Variants in ELAPOR2 observed in about 807,000 individuals in gnomAD.
ELAPOR2 encodes endosome-lysosome associated apoptosis and autophagy regulator family member 2.
In ELAPOR2, 89 loss-of-function variants were observed where a neutral mutation model predicts 120.7. The ratio of observed to expected loss-of-function variants is 0.74; its 90% CI spans 0.62 to 0.88. The LOEUF (loss-of-function observed/expected upper bound fraction) is 0.88. ELAPOR2 is among the 40% of genes least tolerant of loss of function. The probability of loss-of-function intolerance (pLI) is 0.00; values close to 1 mark genes in which losing one functional copy is unlikely to be tolerated. For synonymous variants in ELAPOR2, 444 were observed against 444.9 expected, an observed-to-expected ratio of 1.00 and a Z score of 0.03; for missense variants, 1,134 against 1,251.6, an observed-to-expected ratio of 0.91 and a Z score of 1.42.
intron 1 of ELAPOR2, among the ~76,000 whole-genome samples, chr7:87,023,369 A>G (rs1442109471): frequency 4.0e-5 from 6 of 151,452 alleles, no homozygotes; most frequent in African/African-American, 7.3e-5. Flanking sequence ...AAGATCAGAT[A>G]GTTGCAGATA....
chr7:87,053,557 T>G, intron 1 of ELAPOR2, among the ~76,000 whole-genome samples: 1 of 152,152 alleles, frequency 6.6e-6, no homozygotes, highest in East Asian at 1.9e-4. Context: ...GGATTCTTCT[T>G]CTTACCCCTT....
intron 2 of ELAPOR2, among the ~76,000 whole-genome samples, chr7:86,954,063 T>A (rs1791374128): frequency 6.6e-6 from 1 of 152,196 alleles, no homozygotes; most frequent in African/African-American, 2.4e-5. Context: ...AGCATTTATA[T>A]TAGTCCGTCC....
At chr7:86,922,445 A>G (rs1285141387) in intron 10 of ELAPOR2, among the ~76,000 whole-genome samples, 1 of 151,870 alleles carries the variant, frequency 6.6e-6, no homozygotes, top group Non-Finnish European at 1.5e-5. Context: ...GTTGAAACCT[A>G]AAATTACTTA....
At chr7:86,994,333 C>G (rs1446265121) in intron 1 of ELAPOR2, among the ~76,000 whole-genome samples, 1 of 152,108 alleles carries the variant, frequency 6.6e-6, no homozygotes, top group Non-Finnish European at 1.5e-5. Flanking sequence ...GGAGGTATAA[C>G]AATGAGTAAA....
At chr7:87,040,379 G>C (rs1167186077) in intron 1 of ELAPOR2, among the ~76,000 whole-genome samples, 2 of 152,224 alleles carry the variant, frequency 1.3e-5, no homozygotes, top group Non-Finnish European at 2.9e-5. Context: ...CTGTCTGACA[G>C]CTTTGAAGAG....
chr7:86,912,106 A>G lies in ELAPOR2; in HGVS notation c.2135T>C (p.Phe712Ser). 1 of 1,611,054 alleles carries G rather than the reference A, an allele frequency of 6.2e-7. No individual in the cohort carries two copies. The highest frequency in any genetic ancestry group is 8.5e-7 in the Non-Finnish European group (1 of 1,177,488). ...ACATAAACTGATATTGAAGAAATGG[A>G]AGTATTTTGTTCCTTTGGAGGTGAA... The part of the protein sequence containing the change: ...PSFTSKGTKY[F>S]HFFNISLCGH... Residue 712 changes from phenylalanine (F) to serine (S), a missense_variant, in exon 15 of 22, where the codon TTC (phenylalanine) becomes TCC (serine). Physicochemically the swap from Phe to Ser is radical, Grantham distance 155. Around this residue, in one of 3 missense-constraint regions of ELAPOR2, gnomAD observed 831 missense variants for 867.6 expected, o/e 0.96. Transcript: ENST00000450689.
chr7:87,022,073 AT>A (rs1794060429), intron 1 of ELAPOR2, among the ~76,000 whole-genome samples: 1 of 151,948 alleles, frequency 6.6e-6, no homozygotes, highest in Non-Finnish European at 1.5e-5. Flanking sequence ...ACTAAAATTT[AT>A]TTATTTATTT....
rs1791071164 is a variant in ELAPOR2, at chr7:86,947,840, G to A, written c.393C>T (p.Gly131=). 1.9e-6 allele frequency: 3 copies of A among 1,552,020 alleles called. No homozygotes were observed. The highest frequency in any genetic ancestry group is 2.6e-6 in the Non-Finnish European group (3 of 1,147,014). ...CCCATTCATCAAATTTGATGCCACTGCCCAAGGAATAGGTGCCTTCACCAC... is the reference window on the plus strand; with the variant it reads ...CCCATTCATCAAATTTGATGCCACTACCCAAGGAATAGGTGCCTTCACCAC... ...SKCGEGTYSL[G]SGIKFDEWDE... is the part of the protein sequence containing the mutation. Residue 131 remains glycine, a synonymous_variant, in exon 3 of 22, where the codon GGC becomes GGT. Coordinates refer to ENST00000450689, the MANE Select transcript of ELAPOR2 (RefSeq NM_001142749.3).
At chr7:87,012,186 C>T (rs1038934546) in intron 1 of ELAPOR2, among the ~76,000 whole-genome samples, 34 of 152,212 alleles carry the variant, frequency 2.2e-4, no homozygotes, top group South Asian at 1.0e-3. Context: ...CCAAGGTGGG[C>T]AGATCACAAG....
chr7:86,976,880 A>C (rs1486160741), intron 1 of ELAPOR2, among the ~76,000 whole-genome samples: 1 of 152,232 alleles, frequency 6.6e-6, no homozygotes, highest in Non-Finnish European at 1.5e-5. Context: ...TCTCTAAAAA[A>C]TGTAAAGCAT....
At chr7:86,901,462 T>C (rs1450390287) in intron 18 of ELAPOR2, among the ~76,000 whole-genome samples, 2 of 152,234 alleles carry the variant, frequency 1.3e-5, no homozygotes, top group Admixed American at 1.3e-4. Flanking sequence ...TATGAATTCA[T>C]GGAGAAGAAT....
intron 2 of ELAPOR2, among the ~76,000 whole-genome samples, chr7:86,949,482 A>C (rs1791144983): frequency 6.6e-6 from 1 of 152,168 alleles, no homozygotes; most frequent in Non-Finnish European, 1.5e-5. Flanking sequence ...CCGTCCTCCC[A>C]GGCAGACTCA....
At chr7:86,973,308 T>C (rs1455585783) in intron 1 of ELAPOR2, among the ~76,000 whole-genome samples, 1 of 152,170 alleles carries the variant, frequency 6.6e-6, no homozygotes, top group African/African-American at 2.4e-5. Context: ...TATTCATATA[T>C]GAAATATTGA....
chr7:87,034,943 A>G (rs1445082660), intron 1 of ELAPOR2, among the ~76,000 whole-genome samples: 3 of 152,034 alleles, frequency 2.0e-5, no homozygotes, highest in Non-Finnish European at 4.4e-5. Flanking sequence ...TTAGCCGGAC[A>G]TGGTGGCGTG....
chr7:86,948,147 C>T (rs932414471), intron 2 of ELAPOR2, among the ~76,000 whole-genome samples: 1 of 152,188 alleles, frequency 6.6e-6, no homozygotes, highest in Non-Finnish European at 1.5e-5. Flanking sequence ...GAATTCCTAT[C>T]ATTCCCAAAA....
intron 19 of ELAPOR2, among the ~76,000 whole-genome samples, chr7:86,895,203 T>C (rs1788382992): frequency 6.6e-6 from 1 of 152,094 alleles, no homozygotes; most frequent in Non-Finnish European, 1.5e-5. Context: ...AATCCACATA[T>C]ATTCACTGAC....
chr7:86,893,988 T>C (rs1788319381), intron 19 of ELAPOR2, among the ~76,000 whole-genome samples: 1 of 152,110 alleles, frequency 6.6e-6, no homozygotes, highest in Admixed American at 6.6e-5. Flanking sequence ...ACTAATCTTT[T>C]AACGTGTCTC....
intron 6 of ELAPOR2, among the ~76,000 whole-genome samples, chr7:86,939,189 C>G (rs552852490): frequency 5.9e-5 from 9 of 152,072 alleles, no homozygotes; most frequent in Non-Finnish European, 1.3e-4. Flanking sequence ...AGGTATAATA[C>G]TTGTATTAAC....
Position 86,925,387 on chromosome 7 carries a change from C to T in ELAPOR2, c.1399+141G>A, listed in dbSNP as rs557909847. The stretch of plus-strand genomic sequence containing the variant: ...CACCACATTTACTATTTTTATGGTA[C>T]AACCAGAAGATGGGCAAGCAGCCAA... On this transcript the variant is annotated intron_variant, in intron 10 of 21. Coordinates refer to ENST00000450689, the MANE Select transcript of ELAPOR2 (RefSeq NM_001142749.3). 556 of 761,054 alleles carry T rather than the reference C, an allele frequency of 7.3e-4. 10 individuals are homozygous for T. In the South Asian group the frequency reaches 9.8e-3, roughly 13 times the overall value. 47.1% of individuals were successfully genotyped at this position (761,054 alleles called of 1,614,324 possible).
Sources: allele counts gnomAD v4.1 joint callset (sites outside exome capture counted in the v4.1 genomes callset), GRCh38; gene constraint gnomAD v4.1.1; regional missense constraint gnomAD v4.1.1; transcripts MANE v1.5; gene names NCBI Gene and HGNC (gene_info 2026-07-23, HGNC 2026-07-21).